KCNK9: variants seen among roughly 807,000 people sequenced by gnomAD.
The protein encoded by KCNK9 is potassium channel subfamily K member 9.
KCNK9 carries 1 observed loss-of-function variant against 10.8 expected under a neutral mutation model. That is an observed-to-expected ratio of 0.09 (90% CI 0.03 to 0.44). The LOEUF (loss-of-function observed/expected upper bound fraction) is 0.44. Ranked by LOEUF, KCNK9 falls within the 20% of genes least tolerant of loss-of-function variation. KCNK9 has a pLI of 0.97. For synonymous variants in KCNK9, 231 were observed against 222.7 expected (o/e 1.04, Z -0.33); for missense variants, 303 against 515.0 (o/e 0.59, Z 3.98).
intron 1 of KCNK9, among the ~76,000 whole-genome samples, chr8:139,695,871 G>A (rs958842184): frequency 6.6e-6 from 1 of 152,150 alleles, no homozygotes; most frequent in African/African-American, 2.4e-5. Flanking sequence ...ACAGCCCAGA[G>A]CTGCTTGCTA....
chr8:139,627,542 G>A lies in KCNK9; in HGVS notation c.284-8443C>T, dbSNP rs533425113. On this transcript the variant is annotated intron_variant, in intron 1 of 1. Coordinates refer to ENST00000520439, the MANE Select transcript of KCNK9 (RefSeq NM_001282534.2). The stretch of plus-strand genomic sequence containing the variant: ...CCACAGAAGATAACATCCCGACCCC[G>A]ATCTCAGAGATGGGAAGCTGTACAG... Among the ~76,000 whole-genome samples the A allele has an allele frequency of 2.6e-5, 4 of 152,290 alleles. No homozygotes were observed. The South Asian group carries it at 6.2e-4, about 24-fold the overall frequency.
At chr8:139,645,162 C>A (rs1453809397) in intron 1 of KCNK9, among the ~76,000 whole-genome samples, 2 of 152,200 alleles carry the variant, frequency 1.3e-5, no homozygotes, top group Non-Finnish European at 2.9e-5. Flanking sequence ...GCTCCAGAGT[C>A]CAGAGTGGAG....
At chr8:139,640,956 C>T (rs1327674301) in intron 1 of KCNK9, among the ~76,000 whole-genome samples, 5 of 152,362 alleles carry the variant, frequency 3.3e-5, no homozygotes, top group South Asian at 4.1e-4. Context: ...GCATATTTAT[C>T]GCTGAATCAC....
At chr8:139,607,997 A>G (rs2130079927), downstream of KCNK9, among the ~76,000 whole-genome samples, 1 of 152,334 alleles carries the variant, frequency 6.6e-6, no homozygotes, top group South Asian at 2.1e-4. Flanking sequence ...TGATGTCTAC[A>G]CCACCCAGTG....
intron 1 of KCNK9, among the ~76,000 whole-genome samples, chr8:139,622,025 G>A (rs1473062248): frequency 4.6e-5 from 7 of 152,152 alleles, no homozygotes; most frequent in Non-Finnish European, 7.3e-5. Flanking sequence ...TTGCCTTCAC[G>A]GGGCTTAGAC....
chr8:139,657,245 G>A (rs1325185009), intron 1 of KCNK9, among the ~76,000 whole-genome samples: 3 of 152,184 alleles, frequency 2.0e-5, no homozygotes, highest in Non-Finnish European at 4.4e-5. Flanking sequence ...GCCCTTGGGT[G>A]GGTTGCTGAA....
At chr8:139,689,643 A>ATTTTT (rs35831003) in intron 1 of KCNK9, among the ~76,000 whole-genome samples, 1 of 134,128 alleles carries the variant, frequency 7.5e-6, no homozygotes, top group Non-Finnish European at 1.6e-5. Context: ...CTTTGCCATC[A>ATTTTT]TTTTTTTTTT....
chr8:139,689,202 A>T (rs1433846891), intron 1 of KCNK9, among the ~76,000 whole-genome samples: 4 of 152,294 alleles, frequency 2.6e-5, no homozygotes, highest in Non-Finnish European at 5.9e-5. Context: ...GTGAGAAAAA[A>T]AGTATTTTCT....
At chr8:139,627,638 C>A (rs139319737) in intron 1 of KCNK9, among the ~76,000 whole-genome samples, 6 of 152,352 alleles carry the variant, frequency 3.9e-5, no homozygotes, top group African/African-American at 1.4e-4. Flanking sequence ...TCATTCTGTT[C>A]CCCTGTAAAT....
chr8:139,700,683 C>A (rs1316602222), intron 1 of KCNK9, among the ~76,000 whole-genome samples: 1 of 152,184 alleles, frequency 6.6e-6, no homozygotes, highest in Non-Finnish European at 1.5e-5. Context: ...CCCACAGCCC[C>A]TGAGGCGAAG....
intron 1 of KCNK9, among the ~76,000 whole-genome samples, chr8:139,628,899 C>T (rs969978558): frequency 6.6e-6 from 1 of 152,216 alleles, no homozygotes; most frequent in East Asian, 1.9e-4. Flanking sequence ...CTGAGGAAGG[C>T]CAGCCTCAGG....
intron 1 of KCNK9, among the ~76,000 whole-genome samples, chr8:139,633,336 G>C (rs1563726045): frequency 6.6e-6 from 1 of 152,230 alleles, no homozygotes; most frequent in East Asian, 1.9e-4. Context: ...CAATAAATGT[G>C]AATGCTTGTA....
chr8:139,699,770 C>T (rs1019737904), intron 1 of KCNK9, among the ~76,000 whole-genome samples: 9 of 152,192 alleles, frequency 5.9e-5, no homozygotes, highest in East Asian at 1.9e-4. Context: ...ACAGATTCAA[C>T]GCAAAGTGGT....
At chr8:139,675,354 C>A (rs1035143640) in intron 1 of KCNK9, among the ~76,000 whole-genome samples, 27 of 152,234 alleles carry the variant, frequency 1.8e-4, no homozygotes, top group Admixed American at 8.5e-4. Flanking sequence ...AGTGTGTCCC[C>A]TAAAATCCAT....
chr8:139,663,198 A>G (rs1353263865), intron 1 of KCNK9, among the ~76,000 whole-genome samples: 1 of 152,150 alleles, frequency 6.6e-6, no homozygotes, highest in African/African-American at 2.4e-5. Flanking sequence ...CACGCCCCAC[A>G]TACACATGCA....
intron 1 of KCNK9, among the ~76,000 whole-genome samples, chr8:139,673,387 A>T (rs530071466): frequency 4.2e-4 from 64 of 152,346 alleles, no homozygotes; most frequent in Admixed American, 1.6e-3. Flanking sequence ...CCGCTACAAA[A>T]ATGAAAAAGT....
intron 1 of KCNK9, among the ~76,000 whole-genome samples, chr8:139,640,376 C>A (rs529664713): frequency 1.3e-5 from 2 of 152,324 alleles, no homozygotes; most frequent in South Asian, 4.1e-4. Flanking sequence ...CAAGGATGAA[C>A]CAAGTTGAGT....
intron 1 of KCNK9, among the ~76,000 whole-genome samples, chr8:139,680,828 C>G (rs1438989045): frequency 6.6e-6 from 1 of 152,140 alleles, no homozygotes; most frequent in African/African-American, 2.4e-5. Flanking sequence ...GAGCCATGCC[C>G]CCTCTCTCTG....
intron 1 of KCNK9, among the ~76,000 whole-genome samples, chr8:139,669,793 T>A (rs539353581): frequency 6.6e-6 from 1 of 151,624 alleles, no homozygotes; most frequent in Admixed American, 6.6e-5. Flanking sequence ...TCTATTTACT[T>A]TGCCGAGATC....
Sources: gnomAD v4.1 joint callset for allele counts (sites outside exome capture counted in the v4.1 genomes callset) on GRCh38, gnomAD v4.1.1 for gene constraint, MANE v1.5 for transcripts, NCBI Gene and HGNC (gene_info 2026-07-23, HGNC 2026-07-21) for gene names.